KNTC1: variants seen among roughly 807,000 people sequenced by gnomAD.
KNTC1 encodes the protein kinetochore-associated protein 1.
KNTC1 carries 253 observed loss-of-function variants against 314.4 expected under a neutral mutation model. That is an observed-to-expected ratio of 0.80 (90% CI 0.73 to 0.89). The LOEUF is 0.89. KNTC1 is among the 40% of genes least tolerant of loss of function. The pLI is 0.00. For synonymous variants in KNTC1, 901 were observed against 901.4 expected (o/e 1.00, Z 0.01); for missense variants, 2,475 against 2,572.9 (o/e 0.96, Z 0.82).
chr12:122,613,901 T>A, intron 55 of KNTC1, 140 bp downstream of exon 55: 2 of 821,838 alleles, frequency 2.4e-6, no homozygotes, highest in Non-Finnish European at 3.4e-6. Flanking sequence ...AGTACAGTGG[T>A]GTGATCTCAG....
chr12:122,616,322 G>A (rs1181471350), intron 57 of KNTC1, among the ~76,000 whole-genome samples: 2 of 150,318 alleles, frequency 1.3e-5, no homozygotes, highest in East Asian at 3.9e-4. Flanking sequence ...GAGTGCAGTT[G>A]TGTGATCTCG....
intron 60 of KNTC1, 83 bp from the exon 61 acceptor site, chr12:122,621,798 G>A (rs1412568767): frequency 1.2e-6 from 1 of 848,708 alleles, no homozygotes; most frequent in African/African-American, 1.7e-5. Flanking sequence ...GCACTTAGAA[G>A]AGCAAAATAC....
intron 20 of KNTC1, among the ~76,000 whole-genome samples, chr12:122,565,879 G>A (rs557801307): frequency 4.8e-4 from 72 of 151,404 alleles, no homozygotes; most frequent in African/African-American, 1.7e-3. Context: ...AGTGAAACTC[G>A]CCTCAAAAAA....
chr12:122,563,259 T>G (rs1161343368), intron 20 of KNTC1, among the ~76,000 whole-genome samples: 1 of 152,030 alleles, frequency 6.6e-6, no homozygotes, highest in Non-Finnish European at 1.5e-5. Flanking sequence ...CAGCCTCAAC[T>G]TTTTAGGCTT....
At chr12:122,612,489 A>C (rs1256481613) in intron 53 of KNTC1, among the ~76,000 whole-genome samples, 1 of 141,114 alleles carries the variant, frequency 7.1e-6, no homozygotes, top group Non-Finnish European at 1.5e-5. Context: ...GCGCGATCTC[A>C]GCTCACTGCA....
intron 43 of KNTC1, among the ~76,000 whole-genome samples, chr12:122,594,905 C>T (rs1870815416): frequency 6.6e-6 from 1 of 152,146 alleles, no homozygotes; most frequent in South Asian, 2.1e-4. Context: ...TTATTTGAGA[C>T]GGAGTCTCCC....
chr12:122,555,372 C>G (rs530275196), intron 16 of KNTC1, among the ~76,000 whole-genome samples: 2 of 152,156 alleles, frequency 1.3e-5, no homozygotes, highest in African/African-American at 4.8e-5. Context: ...GCCCACATAG[C>G]AAAACGCTGT....
chr12:122,620,608 G>A lies in KNTC1; in HGVS notation c.6279G>A (p.Lys2093=). Residue 2093 remains lysine, a splice_region_variant and synonymous_variant, in exon 60 of 64, where the codon AAG becomes AAA. Transcript: ENST00000333479. ...PHSEKRHQQI[K]NFLGSCDPQV... ...CAGAGAAAAGACACCAGCAAATTAA[G>A]GTATCGTGCACATGATTCCTCTGGG... 6.2e-7 allele frequency: 1 copy of A among 1,612,898 alleles called. No homozygotes were observed. Among genetic ancestry groups the A allele is most frequent in the East Asian group, 2.2e-5 (1 of 44,874 alleles).
In KNTC1 at chr12:122,583,297, AAAAG is replaced by A. The variant is rs1374876414; in HGVS notation, c.3263+321_3263+324del. 5.3e-5 allele frequency among the ~76,000 whole-genome samples: 8 copies of A among 152,248 alleles called. No homozygotes were observed. In the East Asian group the frequency reaches 9.7e-4, roughly 18 times the overall value. On this transcript the variant is annotated intron_variant, in intron 34 of 63. Coordinates refer to ENST00000333479, the MANE Select transcript of KNTC1 (RefSeq NM_014708.6). ...CTACAGAGCAAGACTCCGTCTCACA[AAAAG>A]AAAGAAAGTAACAACTGCCTGATTT...
At chr12:122,609,249 T>C in intron 51 of KNTC1, 135 bp from the exon 52 acceptor site, 1 of 669,022 alleles carries the variant, frequency 1.5e-6, no homozygotes, top group Non-Finnish European at 2.6e-6. Flanking sequence ...CTTTTCATAA[T>C]TTATGTTATA....
chr12:122,602,185 T>C (rs1872013705), intron 45 of KNTC1, among the ~76,000 whole-genome samples: 1 of 151,998 alleles, frequency 6.6e-6, no homozygotes, highest in South Asian at 2.1e-4. Flanking sequence ...ATACAAAGTG[T>C]CCTAATATAA....
intron 18 of KNTC1, among the ~76,000 whole-genome samples, chr12:122,561,629 A>G (rs1454886206): frequency 6.6e-6 from 1 of 151,300 alleles, no homozygotes. Context: ...AATTTTTTAT[A>G]TTTTAGTAGA....
Position 122,546,645 on chromosome 12 carries a change from G to T in KNTC1, c.787G>T (p.Asp263Tyr). 6.3e-7 allele frequency: 1 copy of T among 1,588,880 alleles called. No homozygotes were observed. Among genetic ancestry groups the T allele is most frequent in the South Asian group, 1.1e-5 (1 of 88,352 alleles). ...IKGAKKFQLI[D>Y]NLLFVLDTDN... Reference sequence around the variant, plus strand: ...AGGTGCAAAGAAGTTCCAGCTGATAGACAATCTACTTTTTGTTCTTGATAC... The same window carrying T: ...AGGTGCAAAGAAGTTCCAGCTGATATACAATCTACTTTTTGTTCTTGATAC... Residue 263 changes from aspartate to tyrosine, a missense_variant, in exon 10 of 64, where the codon GAC becomes TAC. Coordinates refer to ENST00000333479, the MANE Select transcript of KNTC1 (RefSeq NM_014708.6).
intron 6 of KNTC1, 82 bp downstream of exon 6, chr12:122,542,209 C>A: frequency 1.0e-6 from 1 of 955,736 alleles, no homozygotes. Context: ...ATTTTAAGTA[C>A]TCTCTTTAAG....
chr12:122,593,561 C>G (rs1002604116), intron 42 of KNTC1: 1 of 152,032 alleles, frequency 6.6e-6, no homozygotes, highest in African/African-American at 2.4e-5. Context: ...CCGCGCCCAG[C>G]CTTGAGCTTT....
At chr12:122,586,293 G>C (rs1019730291) in intron 37 of KNTC1, among the ~76,000 whole-genome samples, 2 of 152,110 alleles carry the variant, frequency 1.3e-5, no homozygotes, top group Admixed American at 6.6e-5. Flanking sequence ...TGTTGGCCAG[G>C]CTGGTCTCAA....
rs767556658 is a variant in KNTC1 at position 122,620,573 on chromosome 12, A to G, written c.6244A>G (p.Met2082Val). 4 of 1,613,744 alleles carry G rather than the reference A, an allele frequency of 2.5e-6. No homozygotes were observed. Among genetic ancestry groups the G allele is most frequent in the Non-Finnish European group, 3.4e-6 (4 of 1,179,716 alleles). The change falls in exon 60 of 64, where the codon ATG (methionine) becomes GTG (valine). Residue 2082 changes from methionine (M) to valine (V), a missense_variant. By Grantham distance (21) the Met-to-Val change is conservative (BLOSUM62 1). Coordinates refer to ENST00000333479, the MANE Select transcript of KNTC1 (RefSeq NM_014708.6). ...TTTTGCATTAGCTTGTCTGATGCTCATGCCCCACTCAGAGAAAAGACACCA... is the reference window on the plus strand; with the variant it reads ...TTTTGCATTAGCTTGTCTGATGCTCGTGCCCCACTCAGAGAAAAGACACCA... ...PAFALACLMLMPHSEKRHQQI... is the reference protein window; with the variant it reads ...PAFALACLMLVPHSEKRHQQI...
chr12:122,542,138 C>T lies in KNTC1; in HGVS notation c.523+11C>T, dbSNP rs1287121660. On this transcript the variant is annotated intron_variant, in intron 6 of 63. Coordinates refer to ENST00000333479, the MANE Select transcript of KNTC1 (RefSeq NM_014708.6). Reference sequence around the variant, plus strand: ...TAAAAATTCAACAAGGTAAGTAATACATTATATTTTTATTATTGATTTGCA... The same window carrying T: ...TAAAAATTCAACAAGGTAAGTAATATATTATATTTTTATTATTGATTTGCA... 1.4e-6 allele frequency: 2 copies of T among 1,411,162 alleles called. No individual in the cohort carries two copies. The highest frequency in any genetic ancestry group is 1.4e-5 in the African/African-American group (1 of 69,022). The allele number at this position is 1,411,162 out of a possible 1,614,324, so 87.4% of individuals were successfully genotyped here.
chr12:122,538,698 A>G (rs1962047263), intron 4 of KNTC1, among the ~76,000 whole-genome samples: 1 of 151,968 alleles, frequency 6.6e-6, no homozygotes, highest in Non-Finnish European at 1.5e-5. Flanking sequence ...TTGTGGCTCA[A>G]GGAATCTCAA....
Sources: gnomAD v4.1 joint callset for allele counts (sites outside exome capture counted in the v4.1 genomes callset) on GRCh38, gnomAD v4.1.1 for gene constraint, MANE v1.5 for transcripts, NCBI Gene and HGNC (gene_info 2026-07-23, HGNC 2026-07-21) for gene names.